CCDC172: variants seen among roughly 807,000 people sequenced by gnomAD.
CCDC172 encodes coiled-coil domain containing 172.
In CCDC172, 30 loss-of-function variants were observed where a neutral mutation model predicts 38.0. The observed-to-expected ratio is 0.79, with a 90% CI of 0.59 to 1.07. The LOEUF (loss-of-function observed/expected upper bound fraction) is 1.07, where lower values mean the gene tolerates loss of function less well. CCDC172 is among the 50% of genes least tolerant of loss of function. The pLI is 0.00. For synonymous variants in CCDC172, 78 were observed against 88.3 expected (o/e 0.88, Z 0.66); for missense variants, 297 against 290.1 (o/e 1.02, Z -0.17).
chr10:116,373,892 A>C (rs1462227973), intron 7 of CCDC172, among the ~76,000 whole-genome samples: 2 of 152,212 alleles, frequency 1.3e-5, no homozygotes, highest in Admixed American at 1.3e-4. Context: ...ACAACTTTAA[A>C]AAAATACAGT....
chr10:116,343,239 T>C (rs1347844035), intron 5 of CCDC172, among the ~76,000 whole-genome samples: 1 of 152,158 alleles, frequency 6.6e-6, no homozygotes, highest in Non-Finnish European at 1.5e-5. Context: ...ACTCCTTGAG[T>C]ACATGTCCTC....
At chr10:116,328,066 G>C (rs1844612574) in intron 3 of CCDC172, among the ~76,000 whole-genome samples, 1 of 151,996 alleles carries the variant, frequency 6.6e-6, no homozygotes, top group Non-Finnish European at 1.5e-5. Context: ...AAATTTGGGG[G>C]GCATTTATTT....
intron 7 of CCDC172, among the ~76,000 whole-genome samples, chr10:116,361,146 G>A (rs1038905076): frequency 6.0e-5 from 9 of 151,184 alleles, no homozygotes; most frequent in Admixed American, 5.3e-4. Context: ...CGCCACGCCT[G>A]ACTAATTTTT....
chr10:116,343,525 T>TC (rs1844825815), intron 5 of CCDC172, among the ~76,000 whole-genome samples: 1 of 150,858 alleles, frequency 6.6e-6, no homozygotes, highest in African/African-American at 2.5e-5. Context: ...GTTTTTTTTT[T>TC]TTTTTTTAAA....
chr10:116,375,928 A>G (rs991984681), intron 7 of CCDC172, among the ~76,000 whole-genome samples: 3 of 152,198 alleles, frequency 2.0e-5, no homozygotes, highest in African/African-American at 7.2e-5. Flanking sequence ...TGTTAGTGGG[A>G]GTGTAAATTA....
rs189975203 is a variant in CCDC172 at position 116,368,278 on chromosome 10, A to G, written c.654-10145A>G. Among the ~76,000 whole-genome samples the G allele has an allele frequency of 6.5e-4, 99 of 152,262 alleles. 1 individual carries two copies. In the East Asian group the frequency reaches 0.015, roughly 23 times the overall value. ...TTCCCCAATAACCCTTCTCTCAACC[A>G]TTTATTGTCCACTAATGATTCCTCC... is the stretch of plus-strand genomic sequence containing the variant. On this transcript the variant is annotated intron_variant, in intron 7 of 8. Transcript: ENST00000333254.
chr10:116,343,909 T>C (rs2134927147), intron 5 of CCDC172, among the ~76,000 whole-genome samples: 1 of 152,296 alleles, frequency 6.6e-6, no homozygotes, highest in East Asian at 1.9e-4. Context: ...ACATGCTAGA[T>C]TTAGTCTTTA....
At chr10:116,378,658 A>G in intron 8 of CCDC172, 148 bp downstream of exon 8, 1 of 633,712 alleles carries the variant, frequency 1.6e-6, no homozygotes, top group Admixed American at 3.6e-5. Flanking sequence ...TAGGATCAGG[A>G]TGTAAATCTA....
At chr10:116,374,428 A>G (rs1051371634) in intron 7 of CCDC172, among the ~76,000 whole-genome samples, 6 of 151,898 alleles carry the variant, frequency 4.0e-5, no homozygotes, top group African/African-American at 1.5e-4. Flanking sequence ...GTTCTATTTT[A>G]TTATTAGGTA....
In CCDC172 at chr10:116,340,859, C is replaced by A; in HGVS notation, c.282+9C>A. On this transcript the variant is annotated intron_variant, in intron 4 of 8. Transcript: ENST00000333254. ...TGCTTCTTCAAACCTTTGTAAGTTT[C>A]CAGCCACCTAGAAAAATCTATTTCA... 1.5e-6 allele frequency: 2 copies of A among 1,339,384 alleles called. No individual in the cohort carries two copies. Among genetic ancestry groups the A allele is most frequent in the South Asian group, 1.2e-5 (1 of 82,014 alleles). The allele number at this position is 1,339,384 out of a possible 1,614,324, so 83.0% of individuals were successfully genotyped here. A position where few individuals can be genotyped will look rare whatever the true frequency, so the allele number is the denominator to read the frequency against.
intron 7 of CCDC172, among the ~76,000 whole-genome samples, chr10:116,377,567 C>A (rs12242401): frequency 0.12 from 18,532 of 152,042 alleles, 1,805 homozygotes; most frequent in African/African-American, 0.26. Context: ...TCAAAATATT[C>A]AAAAACTTAA....
Position 116,325,454 on chromosome 10 carries a change from A to C in CCDC172, c.165+66A>C, listed in dbSNP as rs184358328. 2,342 of 1,261,266 alleles carry C rather than the reference A, an allele frequency of 1.9e-3. 2 individuals are homozygous for C. Among genetic ancestry groups the C allele is most frequent in the Non-Finnish European group, 2.2e-3 (1,975 of 884,854 alleles). 78.1% of individuals were successfully genotyped at this position (1,261,266 alleles called of 1,614,324 possible). On this transcript the variant is annotated intron_variant, in intron 3 of 8. Transcript: ENST00000333254. The stretch of plus-strand genomic sequence containing the variant: ...CCTGCCTTAACTTGACTTTTGGGGG[A>C]TATTTCAGTGTTTAACCAGTTGTCC...
chr10:116,374,240 A>T (rs75666180), intron 7 of CCDC172, among the ~76,000 whole-genome samples: 1 of 152,138 alleles, frequency 6.6e-6, no homozygotes, highest in Non-Finnish European at 1.5e-5. Context: ...CTGGCAATTC[A>T]TATATGCCAA....
chr10:116,362,825 C>T (rs1845080175), intron 7 of CCDC172, among the ~76,000 whole-genome samples: 1 of 152,108 alleles, frequency 6.6e-6, no homozygotes, highest in South Asian at 2.1e-4. Context: ...TCTGGTAAAA[C>T]TTCATCATTT....
intron 7 of CCDC172, among the ~76,000 whole-genome samples, chr10:116,362,967 C>T (rs965068149): frequency 2.0e-5 from 3 of 152,072 alleles, no homozygotes; most frequent in Admixed American, 6.6e-5. Flanking sequence ...GAAATTTTTA[C>T]GGTAGACTCC....
intron 7 of CCDC172, among the ~76,000 whole-genome samples, chr10:116,368,878 C>T (rs1318117687): frequency 6.6e-6 from 1 of 151,962 alleles, no homozygotes; most frequent in Non-Finnish European, 1.5e-5. Context: ...TTCCTCCATT[C>T]TGTATGTATG....
At chr10:116,342,575 A>T (rs1372920807) in intron 5 of CCDC172, among the ~76,000 whole-genome samples, 1 of 152,296 alleles carries the variant, frequency 6.6e-6, no homozygotes, top group East Asian at 1.9e-4. Context: ...CTAACAATCC[A>T]GGAGAAGCTA....
chr10:116,354,286 GTAT>G (rs1844967137), intron 5 of CCDC172, among the ~76,000 whole-genome samples: 2 of 152,106 alleles, frequency 1.3e-5, no homozygotes, highest in African/African-American at 2.4e-5. Flanking sequence ...ACTGGTTTAT[GTAT>G]TATTATACTT....
chr10:116,345,152 T>C (rs1035049787), intron 5 of CCDC172, among the ~76,000 whole-genome samples: 1 of 152,182 alleles, frequency 6.6e-6, no homozygotes, highest in East Asian at 1.9e-4. Context: ...GCCTTAAAAA[T>C]AGGCATATAA....
Sources: gnomAD v4.1 joint callset for allele counts (sites outside exome capture counted in the v4.1 genomes callset) on GRCh38, gnomAD v4.1.1 for gene constraint, MANE v1.5 for transcripts, NCBI Gene and HGNC (gene_info 2026-07-23, HGNC 2026-07-21) for gene names.